Variants in ZNF155 observed in about 807,000 individuals in gnomAD.
ZNF155 encodes KRAB A domain.
A neutral mutation model predicts 11.9 loss-of-function variants in ZNF155; 15 were observed. The observed-to-expected ratio is 1.26, with a 90% CI of 0.84 to 1.94. The LOEUF (loss-of-function observed/expected upper bound fraction) is 1.94, where lower values mean the gene tolerates loss of function less well. Among genes scored for constraint, ZNF155 ranks in the 30% most tolerant of loss-of-function variants. The pLI is 0.00. For synonymous variants in ZNF155, 212 were observed against 219.9 expected (o/e 0.96, Z 0.32); for missense variants, 602 against 639.1 (o/e 0.94, Z 0.63).
intron 4 of ZNF155, among the ~76,000 whole-genome samples, chr19:43,994,635 G>T (rs1437282717): frequency 6.6e-6 from 1 of 152,168 alleles, no homozygotes; most frequent in Admixed American, 6.5e-5. Context: ...ATAAAACAGG[G>T]TCCAGATGAG....
Position 43,996,923 on chromosome 19 carries a change from A to C in ZNF155, c.1066A>C (p.Arg356=), listed in dbSNP as rs774935737. 1 of 1,613,994 alleles carries C rather than the reference A, an allele frequency of 6.2e-7. No homozygotes were observed. Among genetic ancestry groups the C allele is most frequent in the Non-Finnish European group, 8.5e-7 (1 of 1,179,998 alleles). ...CEQCGKGFIG[R]LDFYKHQVVH... Reference sequence around the variant, plus strand: ...GCAGTGTGGAAAAGGCTTTATTGGTAGGCTAGATTTTTATAAGCATCAGGT... The same window carrying C: ...GCAGTGTGGAAAAGGCTTTATTGGTCGGCTAGATTTTTATAAGCATCAGGT... The change falls in exon 5 of 5, where the codon AGG becomes CGG. Residue 356 remains arginine, a synonymous_variant. Coordinates refer to ENST00000270014, the MANE Select transcript of ZNF155 (RefSeq NM_198089.3).
chr19:43,996,296 C>A lies in ZNF155; in HGVS notation c.439C>A (p.Pro147Thr). The A allele has an allele frequency of 6.2e-7, 1 of 1,614,142 alleles. No individual in the cohort carries two copies. Among genetic ancestry groups the A allele is most frequent in the Non-Finnish European group, 8.5e-7 (1 of 1,179,960 alleles). ...ACCCACAATTCATACAGGACAGAAACCTTCCCAGGGTGGGAAGTGTAAACA... is the reference window on the plus strand; with the variant it reads ...ACCCACAATTCATACAGGACAGAAAACTTCCCAGGGTGGGAAGTGTAAACA... ...GLPTIHTGQK[P>T]SQGGKCKQSI... is the part of the protein sequence containing the mutation. Residue 147 changes from proline (P) to threonine (T), a missense_variant, in exon 5 of 5, where the codon CCT becomes ACT. Physicochemically the swap from Pro to Thr is conservative, Grantham distance 38. Coordinates refer to ENST00000270014, the MANE Select transcript of ZNF155 (RefSeq NM_198089.3).
chr19:43,996,631 A>G lies in ZNF155; in HGVS notation c.774A>G (p.Lys258=). The change falls in exon 5 of 5, where the codon AAA becomes AAG. Residue 258 remains lysine (K), a synonymous_variant. Coordinates refer to ENST00000270014, the MANE Select transcript of ZNF155 (RefSeq NM_198089.3). ...ATCGTAAATTACACACAGGAGAGAA[A>G]CCTTACATTTGTGAGGCATGTGGGA... ...NVHRKLHTGE[K]PYICEACGKA... The G allele has an allele frequency of 6.2e-7, 1 of 1,613,668 alleles. No individual in the cohort carries two copies. Among genetic ancestry groups the G allele is most frequent in the Non-Finnish European group, 8.5e-7 (1 of 1,179,738 alleles).
Position 43,991,937 on chromosome 19 carries a change from A to G in ZNF155, c.235+3A>G. 6.2e-7 allele frequency: 1 copy of G among 1,612,326 alleles called. No homozygotes were observed. Among genetic ancestry groups the G allele is most frequent in the Non-Finnish European group, 8.5e-7 (1 of 1,178,910 alleles). On this transcript the variant is annotated splice_donor_region_variant and intron_variant, in intron 4 of 4. Transcript: ENST00000270014. ...AACCCAAAGAGAAGGGAATTCAGGT[A>G]AGAACTAAGCATCTGTGTGTCCTTG...
Position 43,997,218 on chromosome 19 carries a change from G to A in ZNF155, c.1361G>A (p.Arg454Lys). The A allele has an allele frequency of 6.2e-7, 1 of 1,614,076 alleles. No homozygotes were observed. The highest frequency in any genetic ancestry group is 2.2e-5 in the East Asian group (1 of 44,878). ...CACCAGAGGGTCCACACGGGAGAGA[G>A]ACCTTATAATTGTAAGGAATGTGGG... The part of the protein sequence containing the change: ...DLHQRVHTGE[R>K]PYNCKECGKN... Residue 454 changes from arginine (R) to lysine (K), a missense_variant, in exon 5 of 5, where the codon AGA becomes AAA. By Grantham distance (26) the Arg-to-Lys change is conservative (BLOSUM62 2). Transcript: ENST00000270014.
intron 2 of ZNF155, chr19:43,990,248 A>G (rs1041117069): frequency 7.3e-6 from 4 of 550,412 alleles, no homozygotes; most frequent in African/African-American, 1.9e-5. Flanking sequence ...ACATCTTGCT[A>G]CATCATTACT....
chr19:43,988,928 TATA>T (rs1975558968), intron 2 of ZNF155: 1 of 172,736 alleles, frequency 5.8e-6, no homozygotes, highest in Admixed American at 6.3e-5. Flanking sequence ...TTATATGTTA[TATA>T]ATCTTCCATT....
rs181247763 is a variant in ZNF155, at chr19:43,996,840, G to A, written c.983G>A (p.Arg328Lys). Residue 328 changes from arginine (R) to lysine (K), a missense_variant, in exon 5 of 5, where the codon AGA becomes AAA. Transcript: ENST00000270014. Reference protein sequence around the residue: ...CDTCDKSFHQRSALNRHCMVH... With the variant: ...CDTCDKSFHQKSALNRHCMVH... ...ACATGTGATAAGAGCTTTCATCAGA[G>A]ATCAGCACTTAATAGGCATTGCATG... 5.6e-5 allele frequency: 91 copies of A among 1,614,190 alleles called. No individual in the cohort carries two copies. In the African/African-American group the frequency reaches 1.1e-3, roughly 20 times the overall value.
Position 43,997,324 on chromosome 19 carries a change from T to C in ZNF155, c.1467T>C (p.Cys489=). 6.2e-7 allele frequency: 1 copy of C among 1,613,994 alleles called. No homozygotes were observed. Among genetic ancestry groups the C allele is most frequent in the Non-Finnish European group, 8.5e-7 (1 of 1,179,996 alleles). Residue 489 remains cysteine, a synonymous_variant, in exon 5 of 5, where the codon TGT becomes TGC. Coordinates refer to ENST00000270014, the MANE Select transcript of ZNF155 (RefSeq NM_198089.3). ...CQKKPFKCED[C]GKRLVHRTYR... The stretch of plus-strand genomic sequence containing the variant: ...AAAAACCATTCAAATGTGAGGACTG[T>C]GGAAAGAGGCTTGTACACAGGACAT...
chr19:43,988,165 C>T (rs1490907091), intron 1 of ZNF155, among the ~76,000 whole-genome samples: 1 of 152,164 alleles, frequency 6.6e-6, no homozygotes. Context: ...GGAGCAACCA[C>T]TAACTTATAT....
Position 43,996,192 on chromosome 19 carries a change from C to G in ZNF155, c.335C>G (p.Thr112Ser). ...TGGGAACAAATTGCAAAAGACTTAACCAGGTCTCAGGACTCTATCATAAAT... is the reference window on the plus strand; with the variant it reads ...TGGGAACAAATTGCAAAAGACTTAAGCAGGTCTCAGGACTCTATCATAAAT... ...QIWEQIAKDL[T>S]RSQDSIINNS... Residue 112 changes from threonine to serine, a missense_variant, in exon 5 of 5, where the codon ACC becomes AGC. Transcript: ENST00000270014. 1 of 1,614,156 alleles carries G rather than the reference C, an allele frequency of 6.2e-7. No individual in the cohort carries two copies.
In ZNF155 at chr19:43,991,949, T is replaced by A; in HGVS notation, c.235+15T>A. 6.2e-7 allele frequency: 1 copy of A among 1,608,356 alleles called. No homozygotes were observed. Among genetic ancestry groups the A allele is most frequent in the Non-Finnish European group, 8.5e-7 (1 of 1,176,224 alleles). On this transcript the variant is annotated intron_variant, in intron 4 of 4. Transcript: ENST00000270014. ...AGGGAATTCAGGTAAGAACTAAGCA[T>A]CTGTGTGTCCTTGTACCTGACTCTC... is the stretch of plus-strand genomic sequence containing the variant.
chr19:43,988,344 A>C, intron 1 of ZNF155, 115 bp from the exon 2 acceptor site: 1 of 422,156 alleles, frequency 2.4e-6, no homozygotes, highest in Non-Finnish European at 4.2e-6. Context: ...CCATTTGCCT[A>C]TCCATTTACC....
rs758188920 is a variant in ZNF155 at position 43,997,096 on chromosome 19, A to C, written c.1239A>C (p.Ser413=). 1 of 1,613,546 alleles carries C rather than the reference A, an allele frequency of 6.2e-7. No homozygotes were observed. Among genetic ancestry groups the C allele is most frequent in the East Asian group, 2.2e-5 (1 of 44,878 alleles). The change falls in exon 5 of 5, where the codon TCA becomes TCC. Residue 413 remains serine (S), a synonymous_variant. Transcript: ENST00000270014. ...GTGGAAAGGGATTTTATACAAATTC[A>C]CAACTGTCTTCCCATCAGAGATCCC... is the stretch of plus-strand genomic sequence containing the variant. ...EECGKGFYTN[S]QLSSHQRSHS...
At chr19:43,993,753 C>G (rs1975742730) in intron 4 of ZNF155, among the ~76,000 whole-genome samples, 1 of 152,180 alleles carries the variant, frequency 6.6e-6, no homozygotes, top group Non-Finnish European at 1.5e-5. Context: ...TTAAATATAT[C>G]TACGTACCAC....
chr19:43,996,397 G>A lies in ZNF155; in HGVS notation c.540G>A (p.Glu180=), dbSNP rs986627972. Residue 180 remains glutamate, a synonymous_variant, in exon 5 of 5, where the codon GAG becomes GAA. Coordinates refer to ENST00000270014, the MANE Select transcript of ZNF155 (RefSeq NM_198089.3). ...YSEEKSYTCD[E]CGKSICYISA... ...AAGAGAAGTCTTATACATGTGATGA[G>A]TGTGGAAAAAGCATCTGTTACATCT... The A allele has an allele frequency of 3.1e-6, 5 of 1,614,060 alleles. No individual in the cohort carries two copies. The highest frequency in any genetic ancestry group is 4.2e-6 in the Non-Finnish European group (5 of 1,180,032).
rs1469655824 is a variant in ZNF155 at position 43,984,390 on chromosome 19, C to G, written c.-86+145C>G. The G allele has an allele frequency of 3.9e-5, 5 of 128,728 alleles. No homozygotes were observed. In the East Asian group the frequency reaches 1.1e-3, roughly 29 times the overall value. 8.0% of individuals were successfully genotyped at this position (128,728 alleles called of 1,614,324 possible). On this transcript the variant is annotated intron_variant, in intron 1 of 4. Transcript: ENST00000270014. ...GGTGGGAGGGAAGTTTCGTTGCCGT[C>G]GATGGAGCCTTCTGGCGTTGGGGGC...
rs775166719 is a variant in ZNF155, at chr19:43,996,855, G to T, written c.998G>T (p.Arg333Met). ...TTTCATCAGAGATCAGCACTTAATAGGCATTGCATGGTCCACACAGGAGAG... is the reference window on the plus strand; with the variant it reads ...TTTCATCAGAGATCAGCACTTAATATGCATTGCATGGTCCACACAGGAGAG... ...KSFHQRSALN[R>M]HCMVHTGEKP... Residue 333 changes from arginine to methionine, a missense_variant, in exon 5 of 5, where the codon AGG (arginine) becomes ATG (methionine). Coordinates refer to ENST00000270014, the MANE Select transcript of ZNF155 (RefSeq NM_198089.3). 21 of 1,613,928 alleles carry T rather than the reference G, an allele frequency of 1.3e-5. No homozygotes were observed. In the Admixed American group the frequency reaches 3.2e-4, roughly 24 times the overall value.
chr19:43,991,487 C>T (rs998355880), intron 2 of ZNF155, 61 bp from the exon 3 acceptor site: 1 of 1,611,516 alleles, frequency 6.2e-7, no homozygotes, highest in Middle Eastern at 1.7e-4. Flanking sequence ...CTGCTCAATG[C>T]CGCTTCTCCC....
Sources: allele counts gnomAD v4.1 joint callset (sites outside exome capture counted in the v4.1 genomes callset), GRCh38; gene constraint gnomAD v4.1.1; transcripts MANE v1.5; gene names NCBI Gene and HGNC (gene_info 2026-07-23, HGNC 2026-07-21).